MEGF10: variants seen among roughly 807,000 people sequenced by gnomAD.
The protein encoded by MEGF10 is multiple EGF like domains 10.
In MEGF10, 86 loss-of-function variants were observed where a neutral mutation model predicts 147.5. The observed-to-expected ratio is 0.58, with a 90% CI of 0.49 to 0.70. The LOEUF (loss-of-function observed/expected upper bound fraction) is 0.70. Ranked by LOEUF, MEGF10 falls within the 30% of genes least tolerant of loss-of-function variation. MEGF10 has a pLI of 0.00. For synonymous variants in MEGF10, 478 were observed against 525.5 expected (o/e 0.91, Z 1.24); for missense variants, 1,329 against 1,487.3 (o/e 0.89, Z 1.75).
At position 127,457,239 on chromosome 5, in the gene MEGF10, C is replaced by G. The variant is rs1311126591; in HGVS notation, c.3344C>G (p.Pro1115Arg). 1 of 1,614,048 alleles carries G rather than the reference C, an allele frequency of 6.2e-7. No homozygotes were observed. The highest frequency in any genetic ancestry group is 1.7e-5 in the Admixed American group (1 of 59,996). The change falls in exon 25 of 25, where the codon CCA becomes CGA. Residue 1115 changes from proline to arginine, a missense_variant. By Grantham distance (103) the Pro-to-Arg change is moderately radical. Transcript: ENST00000503335. The stretch of plus-strand genomic sequence containing the variant: ...ATCCCTTGTCATTATGACCTGCTGC[C>G]AGTCCGAGACAGTTCATCCTCCCCT... ...SHIPCHYDLL[P>R]VRDSSSSPKQ...
chr5:127,375,327 C>T (rs1441973206), intron 5 of MEGF10, among the ~76,000 whole-genome samples: 1 of 152,000 alleles, frequency 6.6e-6, no homozygotes, highest in African/African-American at 2.4e-5. Flanking sequence ...GTCTGTTTGC[C>T]TTGGCAGCTG....
At chr5:127,239,374 AAGAC>A in the MEGF10 span, among the ~76,000 whole-genome samples, 1 of 116,618 alleles carries the variant, frequency 8.6e-6, no homozygotes, top group African/African-American at 4.0e-5. Context: ...TAGATGATGG[AAGAC>A]ACACACACAC....
intron 4 of MEGF10, among the ~76,000 whole-genome samples, chr5:127,365,910 A>C (rs1762636076): frequency 6.6e-6 from 1 of 152,236 alleles, no homozygotes; most frequent in Non-Finnish European, 1.5e-5. Flanking sequence ...AACCACACTT[A>C]TAATGGGTCC....
the MEGF10 span, among the ~76,000 whole-genome samples, chr5:127,285,026 T>A: frequency 1.3e-5 from 2 of 152,172 alleles, no homozygotes; most frequent in Non-Finnish European, 2.9e-5. Flanking sequence ...GTGGATCAGA[T>A]GAAGAAAGCA....
intron 1 of MEGF10, among the ~76,000 whole-genome samples, chr5:127,314,751 A>G (rs1760451190): frequency 6.6e-6 from 1 of 152,176 alleles, no homozygotes. Flanking sequence ...AACTATTTCT[A>G]CCCTTCATAG....
At chr5:127,281,487 C>A in the MEGF10 span, among the ~76,000 whole-genome samples, 1 of 152,176 alleles carries the variant, frequency 6.6e-6, no homozygotes, top group Admixed American at 6.5e-5. Flanking sequence ...CAGATTATAT[C>A]CACTTTTTCA....
chr5:127,242,530 G>C, the MEGF10 span, among the ~76,000 whole-genome samples: 1 of 152,182 alleles, frequency 6.6e-6, no homozygotes, highest in African/African-American at 2.4e-5. Flanking sequence ...TTAAACTGCT[G>C]CTAGCAGAAT....
Position 127,455,514 on chromosome 5 carries a change from G to A in MEGF10, c.3139G>A (p.Gly1047Ser), listed in dbSNP as rs1403664666. 1.2e-6 allele frequency: 2 copies of A among 1,613,922 alleles called. No homozygotes were observed. Among genetic ancestry groups the A allele is most frequent in the Non-Finnish European group, 1.7e-6 (2 of 1,179,998 alleles). Residue 1047 changes from glycine (G) to serine (S), a missense_variant, in exon 24 of 25, where the codon GGT becomes AGT. Coordinates refer to ENST00000503335, the MANE Select transcript of MEGF10 (RefSeq NM_001256545.2). Reference protein sequence around the residue: ...PVLIPKSSECGYVEMKSPARR... With the variant: ...PVLIPKSSECSYVEMKSPARR... The stretch of plus-strand genomic sequence containing the variant: ...ACTTATCCCGAAAAGCTCAGAGTGT[G>A]GTTATGTGGAGATGAAATCGCCGGC...
At chr5:127,245,987 A>T in the MEGF10 span, among the ~76,000 whole-genome samples, 1 of 152,214 alleles carries the variant, frequency 6.6e-6, no homozygotes, top group Non-Finnish European at 1.5e-5. Flanking sequence ...AGTAATAGGA[A>T]TGCTTTTTCA....
At chr5:127,450,481 C>T (rs1055736098) in intron 22 of MEGF10, among the ~76,000 whole-genome samples, 1 of 152,160 alleles carries the variant, frequency 6.6e-6, no homozygotes, top group Non-Finnish European at 1.5e-5. Context: ...AAGCCTGTAA[C>T]CCATATTTTC....
chr5:127,405,991 G>A (rs1411195481), intron 8 of MEGF10, among the ~76,000 whole-genome samples: 1 of 152,074 alleles, frequency 6.6e-6, no homozygotes, highest in African/African-American at 2.4e-5. Context: ...GATAGATTAG[G>A]CTGTTAGATA....
intron 4 of MEGF10, among the ~76,000 whole-genome samples, chr5:127,344,791 A>C (rs1761818414): frequency 6.6e-6 from 1 of 152,248 alleles, no homozygotes; most frequent in Non-Finnish European, 1.5e-5. Flanking sequence ...AGAACTTTAG[A>C]GAAATTAAGT....
In MEGF10 at chr5:127,396,789, T is replaced by C; in HGVS notation, c.659+11T>C. ...ATACACCGGAGCCTTGTAAGTCACA[T>C]GCTGCCCAGCAGCAGAGCAGAGCCC... On this transcript the variant is annotated intron_variant, in intron 6 of 24. Coordinates refer to ENST00000503335, the MANE Select transcript of MEGF10 (RefSeq NM_001256545.2). 6.2e-7 allele frequency: 1 copy of C among 1,610,154 alleles called. No homozygotes were observed.
intron 1 of MEGF10, among the ~76,000 whole-genome samples, chr5:127,323,251 T>C (rs753378004): frequency 3.3e-5 from 5 of 152,190 alleles, no homozygotes; most frequent in Non-Finnish European, 7.3e-5. Context: ...TAATATTTTA[T>C]AAGTGACCTA....
intron 5 of MEGF10, among the ~76,000 whole-genome samples, chr5:127,380,413 G>A (rs893837416): frequency 4.6e-5 from 7 of 152,198 alleles, no homozygotes; most frequent in African/African-American, 7.2e-5. Flanking sequence ...CAGAGAGGGC[G>A]TGATGCGAAG....
At chr5:127,357,604 T>C (rs1489304378) in intron 4 of MEGF10, among the ~76,000 whole-genome samples, 1 of 139,164 alleles carries the variant, frequency 7.2e-6, no homozygotes, top group Non-Finnish European at 1.6e-5. Context: ...AATAAATAAA[T>C]AAATAAATAA....
intron 1 of MEGF10, among the ~76,000 whole-genome samples, chr5:127,303,514 C>A (rs1004378328): frequency 6.6e-6 from 1 of 151,980 alleles, no homozygotes; most frequent in Non-Finnish European, 1.5e-5. Context: ...AATAAGGAGA[C>A]TATTGCAGTA....
intron 24 of MEGF10, among the ~76,000 whole-genome samples, chr5:127,456,391 C>G (rs11743831): frequency 0.032 from 4,933 of 152,242 alleles, 83 homozygotes; most frequent in Middle Eastern, 0.051. Flanking sequence ...CACCACTACT[C>G]TTGGCTAAAC....
chr5:127,333,220 A>G (rs139599547), intron 2 of MEGF10, among the ~76,000 whole-genome samples: 2 of 152,276 alleles, frequency 1.3e-5, no homozygotes, highest in African/African-American at 2.4e-5. Flanking sequence ...GGGAAAGACT[A>G]TAAGAGAAAA....
Sources: allele counts gnomAD v4.1 joint callset (sites outside exome capture counted in the v4.1 genomes callset), GRCh38; gene constraint gnomAD v4.1.1; transcripts MANE v1.5; gene names NCBI Gene and HGNC (gene_info 2026-07-23, HGNC 2026-07-21).